The following CELSR1 variants were observed in gnomAD, a reference collection of about 807,000 sequenced individuals.
CELSR1 encodes the protein adhesion G protein-coupled receptor C1.
CELSR1 carries 110 observed loss-of-function variants against 249.1 expected under a neutral mutation model. The observed-to-expected ratio is 0.44, with a 90% CI of 0.38 to 0.52. The LOEUF is 0.52. Ranked by LOEUF, CELSR1 falls within the 20% of genes least tolerant of loss-of-function variation. CELSR1 has a pLI of 0.00. For missense variants in CELSR1, 4,109 were observed against 4,296.4 expected (o/e 0.96, Z 1.22); for synonymous variants, 2,113 against 1,900.0 (o/e 1.11, Z -2.92).
rs145996494 is a variant in CELSR1, at chr22:46,527,186, A to T, written c.3544+6441T>A. Among the ~76,000 whole-genome samples, 3 of 152,264 alleles carry T rather than the reference A, an allele frequency of 2.0e-5. No individual in the cohort carries two copies. Among genetic ancestry groups the T allele is most frequent in the African/African-American group, 7.2e-5 (3 of 41,538 alleles). On this transcript the variant is annotated intron_variant, in intron 1 of 34. Coordinates refer to ENST00000674500, the MANE Select transcript of CELSR1 (RefSeq NM_001378328.1). The surrounding 1 kb of genome is among the most constrained non-coding windows in gnomAD (Gnocchi z 5.5). ...AAACTGCAAGCGATGGGGCCTGCAG[A>T]GCCTGGGAGGGTTCCCGGCACATGG... is the stretch of plus-strand genomic sequence containing the variant.
At position 46,536,915 on chromosome 22, in the gene CELSR1, GC is replaced by G; in HGVS notation, c.255del (p.Leu86CysfsTer16). On this transcript the variant is annotated frameshift_variant, in exon 1 of 35. Coordinates refer to ENST00000674500, the MANE Select transcript of CELSR1 (RefSeq NM_001378328.1). LOFTEE classifies it high-confidence loss of function. Reference protein sequence around the residue: ...GRRRVSGAGRPLPLQVRLVAR... With the variant: ...GRRRVSGAGRXLPLQVRLVAR... ...GCCACCAAGCGGACTTGCAGCGGCA[GC>G]GGGCGCCCCGCGCCCGAGACGCGCC... is the stretch of plus-strand genomic sequence containing the variant. 8.4e-7 allele frequency: 1 copy of G among 1,185,978 alleles called. No individual in the cohort carries two copies. The allele number at this position is 1,185,978 out of a possible 1,614,324, so 73.5% of individuals were successfully genotyped here.
At chr22:46,475,954 G>C (rs968046174) in intron 1 of CELSR1, among the ~76,000 whole-genome samples, 1 of 152,076 alleles carries the variant, frequency 6.6e-6, no homozygotes, top group African/African-American at 2.4e-5. Context: ...GCCCCACTGT[G>C]CCCCAGGAAG....
rs35618954 is a variant in CELSR1, at chr22:46,523,527, CAAATAAATAAAT to C, written c.3544+10088_3544+10099del. On this transcript the variant is annotated intron_variant, in intron 1 of 34. Coordinates refer to ENST00000674500, the MANE Select transcript of CELSR1 (RefSeq NM_001378328.1). ...TGGGTGCCAGAGTGAGACTCTGTCT[CAAATAAATAAAT>C]AAATAAATAAATAAATAAATAAAAT... Among the ~76,000 whole-genome samples the C allele has an allele frequency of 6.1e-3, 872 of 143,584 alleles. 5 individuals carry two copies. Among genetic ancestry groups the C allele is most frequent in the Non-Finnish European group, 0.011 (726 of 66,716 alleles). 94.2% of individuals were successfully genotyped at this position (143,584 alleles called of 152,430 possible).
At chr22:46,424,701 A>C (rs528460562) in intron 5 of CELSR1, among the ~76,000 whole-genome samples, 1 of 152,210 alleles carries the variant, frequency 6.6e-6, no homozygotes, top group African/African-American at 2.4e-5. Flanking sequence ...TGCCAGGTGC[A>C]GTGGCTTATG....
chr22:46,533,562 C>T (rs1214873935), intron 1 of CELSR1, 65 bp downstream of exon 1: 38 of 1,500,002 alleles, frequency 2.5e-5, no homozygotes, highest in Middle Eastern at 1.8e-4. Flanking sequence ...GAGCCCTTGG[C>T]GGGTTCCTGA....
rs1215747719 is a variant in CELSR1, at chr22:46,441,344, G to A, written c.4184-1933C>T. Among the ~76,000 whole-genome samples, 3 of 151,976 alleles carry A rather than the reference G, an allele frequency of 2.0e-5. No homozygotes were observed. Among genetic ancestry groups the A allele is most frequent in the South Asian group, 2.1e-4 (1 of 4,794 alleles). On this transcript the variant is annotated intron_variant, in intron 2 of 34. Coordinates refer to ENST00000674500, the MANE Select transcript of CELSR1 (RefSeq NM_001378328.1). The surrounding 1 kb of genome is among the most constrained non-coding windows in gnomAD (Gnocchi z 6.1). ...GGACAGGCACCTGCAATGTCCCCCC[G>A]AGAGGCCTCCAACCACGCTCCGGAC...
rs758772435 is a variant in CELSR1, at chr22:46,374,487, G to A, written c.7585-1430C>T. Among the ~76,000 whole-genome samples, 3 of 152,180 alleles carry A rather than the reference G, an allele frequency of 2.0e-5. No individual in the cohort carries two copies. Among genetic ancestry groups the A allele is most frequent in the Non-Finnish European group, 4.4e-5 (3 of 68,028 alleles). On this transcript the variant is annotated intron_variant, in intron 24 of 34. Transcript: ENST00000674500. The surrounding 1 kb of genome is among the most constrained non-coding windows in gnomAD (Gnocchi z 4.3). ...AAACCTCGCCCAGAGATAGGATTGT[G>A]GGTTTACAAAAAAACCATAAAGCCC...
chr22:46,474,391 T>C (rs1204924198), intron 1 of CELSR1, among the ~76,000 whole-genome samples: 1 of 152,082 alleles, frequency 6.6e-6, no homozygotes, highest in Non-Finnish European at 1.5e-5. Context: ...AGGTGGGTCC[T>C]CACACATCCT....
rs2079140605 is a variant in CELSR1 at position 46,395,722 on chromosome 22, C to T, written c.5843+883G>A. Among the ~76,000 whole-genome samples, 1 of 152,174 alleles carries T rather than the reference C, an allele frequency of 6.6e-6. No homozygotes were observed. The highest frequency in any genetic ancestry group is 2.4e-5 in the African/African-American group (1 of 41,444). The stretch of plus-strand genomic sequence containing the variant: ...CAGGTGTCCCTGCACCTGATGGCCA[C>T]CAGCAGCTGAGGACAATGAGCCACA... On this transcript the variant is annotated intron_variant, in intron 13 of 34. Transcript: ENST00000674500. The surrounding 1 kb of genome is among the most constrained non-coding windows in gnomAD (Gnocchi z 5.5).
chr22:46,467,177 T>C (rs542513375), intron 1 of CELSR1, among the ~76,000 whole-genome samples: 1 of 152,386 alleles, frequency 6.6e-6, no homozygotes, highest in South Asian at 2.1e-4. Context: ...TAAGTTAACA[T>C]AGTTTTGTCT....
At chr22:46,459,602 C>T (rs553140716) in intron 2 of CELSR1, among the ~76,000 whole-genome samples, 62 of 152,332 alleles carry the variant, frequency 4.1e-4, no homozygotes, top group African/African-American at 1.3e-3. Context: ...TTGCCCTCAG[C>T]GCTGAGGCCG....
intron 5 of CELSR1, among the ~76,000 whole-genome samples, chr22:46,421,887 G>A (rs1423410217): frequency 6.6e-6 from 1 of 152,210 alleles, no homozygotes; most frequent in East Asian, 1.9e-4. Flanking sequence ...ACGCAGCCAC[G>A]GAACACCTGG....
Position 46,410,787 on chromosome 22 carries a change from G to T in CELSR1, c.4770-226C>A, listed in dbSNP as rs1041933050. 6.6e-6 allele frequency among the ~76,000 whole-genome samples: 1 copy of T among 151,884 alleles called. No individual in the cohort carries two copies. Among genetic ancestry groups the T allele is most frequent in the African/African-American group, 2.4e-5 (1 of 41,334 alleles). On this transcript the variant is annotated intron_variant, in intron 6 of 34. Transcript: ENST00000674500. This position sits in a 1 kb window ranked among gnomAD's most constrained non-coding sequence, Gnocchi z 6.8. ...AGTCCTGACGATCTGGGTGTTTCAC[G>T]CTCACCAGTGACCACCAAGCCCCGC... is the stretch of plus-strand genomic sequence containing the variant.
rs985828884 is a variant in CELSR1, at chr22:46,472,279, G to A, written c.3545-7934C>T. Among the ~76,000 whole-genome samples, 1 of 152,224 alleles carries A rather than the reference G, an allele frequency of 6.6e-6. No individual in the cohort carries two copies. Among genetic ancestry groups the A allele is most frequent in the Non-Finnish European group, 1.5e-5 (1 of 68,040 alleles). ...GGAGGTTGGGACCTGTCCAGTCCCC[G>A]ACTTTCGTGAAAGACTCTGCAGTAA... On this transcript the variant is annotated intron_variant, in intron 1 of 34. Transcript: ENST00000674500. This position sits in a 1 kb window ranked among gnomAD's most constrained non-coding sequence, Gnocchi z 7.0.
Position 46,417,736 on chromosome 22 carries a change from G to C in CELSR1, c.4612-5977C>G, listed in dbSNP as rs552210371. On this transcript the variant is annotated intron_variant, in intron 5 of 34. Transcript: ENST00000674500. This position sits in a 1 kb window ranked among gnomAD's most constrained non-coding sequence, Gnocchi z 4.1. ...AGCCTAGGCAGACTCTTCTAGAAAG[G>C]GGGTAAGTGCATAGCTGCTATCTCT... Among the ~76,000 whole-genome samples, 2 of 152,236 alleles carry C rather than the reference G, an allele frequency of 1.3e-5. No homozygotes were observed. The highest frequency in any genetic ancestry group is 2.9e-5 in the Non-Finnish European group (2 of 68,044).
rs2147433899 is a variant in CELSR1 at position 46,433,568 on chromosome 22, G to A, written c.4523-87C>T. 1 of 1,000,894 alleles carries A rather than the reference G, an allele frequency of 1.0e-6. No homozygotes were observed. The highest frequency in any genetic ancestry group is 1.5e-6 in the Non-Finnish European group (1 of 655,484). The allele number at this position is 1,000,894 out of a possible 1,614,324, so 62.0% of individuals were successfully genotyped here. On this transcript the variant is annotated intron_variant, in intron 4 of 34. Transcript: ENST00000674500. This position sits in a 1 kb window ranked among gnomAD's most constrained non-coding sequence, Gnocchi z 5.7. ...AGGATTGCGCTGTGAGGCATCAGGG[G>A]GAGACAGGTGCACATGGCCACGTCC...
intron 18 of CELSR1, among the ~76,000 whole-genome samples, chr22:46,387,026 G>T (rs922918581): frequency 3.3e-5 from 5 of 152,102 alleles, no homozygotes; most frequent in Non-Finnish European, 5.9e-5. Context: ...CCAAAGTGCT[G>T]GGATTACAGG....
At chr22:46,531,354 C>T (rs1217407211) in intron 1 of CELSR1, among the ~76,000 whole-genome samples, 9 of 151,990 alleles carry the variant, frequency 5.9e-5, no homozygotes, top group East Asian at 1.9e-4. Context: ...TACAGGTGCT[C>T]GCCACCACAC....
Position 46,363,623 on chromosome 22 carries a change from C to G in CELSR1, c.9035+373G>C, listed in dbSNP as rs2078730521. On this transcript the variant is annotated intron_variant, in intron 34 of 34. Coordinates refer to ENST00000674500, the MANE Select transcript of CELSR1 (RefSeq NM_001378328.1). This position sits in a 1 kb window ranked among gnomAD's most constrained non-coding sequence, Gnocchi z 4.3. Reference sequence around the variant, plus strand: ...CCAGGACCCCAGCTCCACCCCGCCCCCTTCACCCCTGGCATTCCGGGACCC... The same window carrying G: ...CCAGGACCCCAGCTCCACCCCGCCCGCTTCACCCCTGGCATTCCGGGACCC... 5.6e-6 allele frequency: 2 copies of G among 359,986 alleles called. No individual in the cohort carries two copies. Among genetic ancestry groups the G allele is most frequent in the South Asian group, 8.6e-5 (2 of 23,184 alleles). 22.3% of individuals were successfully genotyped at this position (359,986 alleles called of 1,614,324 possible). A position where few individuals can be genotyped will look rare whatever the true frequency, so the allele number is the denominator to read the frequency against.
Sources: allele counts gnomAD v4.1 joint callset (sites outside exome capture counted in the v4.1 genomes callset), GRCh38; gene constraint gnomAD v4.1.1; non-coding constraint Gnocchi (gnomAD v3.1); transcripts MANE v1.5; gene names NCBI Gene and HGNC (gene_info 2026-07-23, HGNC 2026-07-21).